Variants in ABCC4 observed in about 807,000 individuals in gnomAD.
ABCC4 encodes ATP binding cassette subfamily C member 4 (PEL blood group).
ABCC4 carries 102 observed loss-of-function variants against 168.5 expected under a neutral mutation model. The ratio of observed to expected loss-of-function variants is 0.61; its 90% CI spans 0.52 to 0.71. ABCC4 has a LOEUF of 0.71. ABCC4 is among the 30% of genes least tolerant of loss of function. ABCC4 has a pLI of 0.00. For missense variants in ABCC4, 1,402 were observed against 1,605.8 expected, an observed-to-expected ratio of 0.87 and a Z score of 2.17; for synonymous variants, 617 against 590.7, an observed-to-expected ratio of 1.04 and a Z score of -0.65.
intron 1 of ABCC4, among the ~76,000 whole-genome samples, chr13:95,281,299 CAAAAAAAAAAAAA>C (rs10541756): frequency 1.2e-4 from 6 of 48,708 alleles, no homozygotes; most frequent in Non-Finnish European, 1.8e-4. Flanking sequence ...GAGACTCTCT[CAAAAAAAAAAAAA>C]AAAAAAAAAA....
In ABCC4 at chr13:95,192,304, C is replaced by T. The variant is rs146234543; in HGVS notation, c.1263+2532G>A. ...TCTCTCCAGAAGCCCGTGTCTGTGC[C>T]CCTCCTCCCACCCCAGCACCCTCTC... On this transcript the variant is annotated intron_variant, in intron 9 of 30. Coordinates refer to ENST00000645237, the MANE Select transcript of ABCC4 (RefSeq NM_005845.5). Among the ~76,000 whole-genome samples, 411 of 152,166 alleles carry T rather than the reference C, an allele frequency of 2.7e-3. 4 individuals are homozygous for T. Among genetic ancestry groups the T allele is most frequent in the African/African-American group, 9.5e-3 (395 of 41,536 alleles).
intron 1 of ABCC4, among the ~76,000 whole-genome samples, chr13:95,300,028 G>A (rs1285653174): frequency 6.6e-6 from 1 of 152,188 alleles, no homozygotes; most frequent in Non-Finnish European, 1.5e-5. Context: ...TTTTAGTAGA[G>A]ACGGGGTTTC....
Position 95,251,487 on chromosome 13 carries a change from T to C in ABCC4, c.75-3734A>G, listed in dbSNP as rs536925414. ...TTCAGAAGCCAAGCCTAATAAAACC[T>C]TTTTCAATGGATTATGCATTTGCAT... is the stretch of plus-strand genomic sequence containing the variant. On this transcript the variant is annotated intron_variant, in intron 1 of 30. Coordinates refer to ENST00000645237, the MANE Select transcript of ABCC4 (RefSeq NM_005845.5). Among the ~76,000 whole-genome samples, 64 of 152,320 alleles carry C rather than the reference T, an allele frequency of 4.2e-4. 1 individual carries two copies. Among genetic ancestry groups the C allele is most frequent in the African/African-American group, 1.5e-3 (63 of 41,578 alleles).
At chr13:95,238,712 C>T (rs1398869488) in intron 3 of ABCC4, among the ~76,000 whole-genome samples, 1 of 152,126 alleles carries the variant, frequency 6.6e-6, no homozygotes, top group Non-Finnish European at 1.5e-5. Context: ...CATGCCACCA[C>T]GACCAACTAA....
rs188936746 is a variant in ABCC4 at position 95,034,691 on chromosome 13, G to T, written c.3784C>A (p.Leu1262Met). ...TAAAATAGGCTCTCTTTATTTTGCA[G>T]CAAAACATACGGCTCATCATATTCT... ...LKEYDEPYVLLQNKESLFYKM... is the reference protein window; with the variant it reads ...LKEYDEPYVLMQNKESLFYKM... The change falls in exon 30 of 31, where the codon CTG (leucine) becomes ATG (methionine). Residue 1262 changes from leucine (L) to methionine (M), a missense_variant. Leu to Met is a conservative substitution (Grantham distance 15). Transcript: ENST00000645237. 6.2e-7 allele frequency: 1 copy of T among 1,614,164 alleles called. No individual in the cohort carries two copies. Among genetic ancestry groups the T allele is most frequent in the African/African-American group, 1.3e-5 (1 of 75,026 alleles).
At chr13:95,290,588 C>A (rs879536732) in intron 1 of ABCC4, among the ~76,000 whole-genome samples, 3 of 151,614 alleles carry the variant, frequency 2.0e-5, no homozygotes, top group Non-Finnish European at 4.4e-5. Flanking sequence ...GCCTATAATC[C>A]CAGCTACTGG....
intron 1 of ABCC4, among the ~76,000 whole-genome samples, chr13:95,299,152 G>A (rs990708620): frequency 6.6e-6 from 1 of 151,596 alleles, no homozygotes; most frequent in African/African-American, 2.4e-5. Context: ...CCAGCTACTC[G>A]GGAGGCTGAG....
chr13:95,166,048 G>A (rs2037259717), intron 15 of ABCC4, 110 bp downstream of exon 15: 1 of 1,063,644 alleles, frequency 9.4e-7, no homozygotes, highest in Admixed American at 2.2e-5. Flanking sequence ...TGAAACCACA[G>A]AATCCACTTT....
intron 3 of ABCC4, among the ~76,000 whole-genome samples, chr13:95,244,666 A>C (rs201363410): frequency 0.15 from 13,031 of 87,940 alleles, 3,599 homozygotes; most frequent in Non-Finnish European, 0.21. Flanking sequence ...AGAAAGAAAG[A>C]AAGAAATCAT....
intron 8 of ABCC4, among the ~76,000 whole-genome samples, chr13:95,205,217 T>A (rs1337997756): frequency 1.3e-5 from 2 of 152,140 alleles, no homozygotes; most frequent in South Asian, 2.1e-4. Flanking sequence ...GTAGTGGGAG[T>A]CTGCCTATGA....
At chr13:95,143,068 G>T (rs1008836227) in intron 19 of ABCC4, among the ~76,000 whole-genome samples, 5 of 152,060 alleles carry the variant, frequency 3.3e-5, no homozygotes, top group Admixed American at 6.6e-5. Flanking sequence ...TTCAGCTGGG[G>T]TCTCACCTGG....
At chr13:95,213,628 T>G (rs1190793191) in intron 4 of ABCC4, among the ~76,000 whole-genome samples, 2 of 151,626 alleles carry the variant, frequency 1.3e-5, no homozygotes, top group African/African-American at 2.4e-5. Context: ...AAATCTCCAC[T>G]GGGCCTCAGG....
intron 9 of ABCC4, among the ~76,000 whole-genome samples, chr13:95,191,986 TC>T (rs2038267713): frequency 6.6e-6 from 1 of 152,118 alleles, no homozygotes; most frequent in South Asian, 2.1e-4. Flanking sequence ...CTCTGGGACC[TC>T]CCCAGGCTCC....
intron 8 of ABCC4, among the ~76,000 whole-genome samples, chr13:95,197,577 A>C (rs1035468561): frequency 1.8e-4 from 27 of 152,202 alleles, no homozygotes. Context: ...GTCACTCAGG[A>C]GGGTGAAAAA....
rs2031149649 is a variant in ABCC4, at chr13:95,022,506, CGCA to C, written c.3871-827_3871-825del. On this transcript the variant is annotated intron_variant, in intron 30 of 30. Transcript: ENST00000645237. ...TCGTATCTTGGTTCCTTGACAGATG[CGCA>C]TAACAAAATGAAATAATGTCAAGAC... 3.3e-5 allele frequency among the ~76,000 whole-genome samples: 5 copies of C among 152,146 alleles called. No homozygotes were observed. The South Asian group carries it at 1.0e-3, about 32-fold the overall frequency.
rs2041602062 is a variant in ABCC4 at position 95,298,802 on chromosome 13, G to A, written c.74+2439C>T. Among the ~76,000 whole-genome samples the A allele has an allele frequency of 1.3e-5, 2 of 152,234 alleles. 1 individual carries two copies. Among genetic ancestry groups the A allele is most frequent in the South Asian group, 4.2e-4 (2 of 4,818 alleles). ...ACACTTGATTGTTGTGTGAGTCCAG[G>A]CAACTTAACCACTCTCAGCTTAAGT... On this transcript the variant is annotated intron_variant, in intron 1 of 30. Coordinates refer to ENST00000645237, the MANE Select transcript of ABCC4 (RefSeq NM_005845.5).
At chr13:95,215,195 C>T (rs956584566) in intron 4 of ABCC4, among the ~76,000 whole-genome samples, 2 of 152,088 alleles carry the variant, frequency 1.3e-5, no homozygotes, top group Non-Finnish European at 2.9e-5. Flanking sequence ...CTGAGGCAGT[C>T]AAATTGCTTG....
chr13:95,079,873 C>G (rs1425877125), intron 21 of ABCC4, among the ~76,000 whole-genome samples: 1 of 151,972 alleles, frequency 6.6e-6, no homozygotes, highest in African/African-American at 2.4e-5. Flanking sequence ...AAACACTGCC[C>G]AAGGTTAAGT....
intron 19 of ABCC4, among the ~76,000 whole-genome samples, chr13:95,123,475 G>A (rs777817422): frequency 3.3e-5 from 5 of 152,032 alleles, no homozygotes; most frequent in Non-Finnish European, 7.4e-5. Flanking sequence ...CAATTCTCCC[G>A]CTCAGCCTCT....
Sources: gnomAD v4.1 joint callset for allele counts (sites outside exome capture counted in the v4.1 genomes callset) on GRCh38, gnomAD v4.1.1 for gene constraint, MANE v1.5 for transcripts, NCBI Gene and HGNC (gene_info 2026-07-23, HGNC 2026-07-21) for gene names.